Variants in XKR9 observed in about 807,000 individuals in gnomAD.
XKR9 encodes XK related 9.
A neutral mutation model predicts 32.0 loss-of-function variants in XKR9; 32 were observed. The observed-to-expected ratio is 1.00, with a 90% CI of 0.76 to 1.34. The LOEUF (loss-of-function observed/expected upper bound fraction) is 1.34. Ranked by LOEUF, XKR9 falls within the 40% of genes most tolerant of loss-of-function variation. The pLI, the probability that XKR9 is intolerant of heterozygous loss-of-function variation, is 0.00. For missense variants in XKR9, 546 were observed against 429.7 expected, an observed-to-expected ratio of 1.27 and a Z score of -2.39; for synonymous variants, 168 against 143.4, an observed-to-expected ratio of 1.17 and a Z score of -1.22.
chr8:70,803,561 G>A, the XKR9 span, among the ~76,000 whole-genome samples: 59 of 152,286 alleles, frequency 3.9e-4, no homozygotes, highest in African/African-American at 1.2e-3. Context: ...TTTCTCATCC[G>A]TGTGGGCTGA....
At chr8:70,993,909 A>G in the XKR9 span, among the ~76,000 whole-genome samples, 1 of 152,156 alleles carries the variant, frequency 6.6e-6, no homozygotes, top group African/African-American at 2.4e-5. Flanking sequence ...CTCCTCTACA[A>G]AAAGATGGCT....
At chr8:70,720,829 G>C (rs975113195) in intron 4 of XKR9, among the ~76,000 whole-genome samples, 3 of 152,176 alleles carry the variant, frequency 2.0e-5, no homozygotes, top group Admixed American at 2.0e-4. Context: ...ATGAGTTAGG[G>C]AGGAGTCCCT....
At chr8:70,822,923 A>G in the XKR9 span, among the ~76,000 whole-genome samples, 1 of 152,174 alleles carries the variant, frequency 6.6e-6, no homozygotes, top group Non-Finnish European at 1.5e-5. Context: ...ATAATCTTAA[A>G]GTCAAGAATA....
At chr8:70,713,695 A>G (rs1805995647) in intron 4 of XKR9, among the ~76,000 whole-genome samples, 1 of 152,170 alleles carries the variant, frequency 6.6e-6, no homozygotes. Flanking sequence ...AATACAGGAC[A>G]ATGATAACAT....
At chr8:70,859,291 A>G in the XKR9 span, among the ~76,000 whole-genome samples, 1 of 152,136 alleles carries the variant, frequency 6.6e-6, no homozygotes, top group Non-Finnish European at 1.5e-5. Flanking sequence ...AATCAAAACC[A>G]TCATGTGATA....
chr8:70,952,144 G>A, the XKR9 span, among the ~76,000 whole-genome samples: 1 of 103,680 alleles, frequency 9.6e-6, no homozygotes, highest in Non-Finnish European at 1.9e-5. Flanking sequence ...ATAGGTTAAA[G>A]AAAACCTTTA....
At chr8:70,671,113 C>CCTTGAACT (rs1818701321) in intron 1 of XKR9, among the ~76,000 whole-genome samples, 2 of 152,332 alleles carry the variant, frequency 1.3e-5, no homozygotes, top group South Asian at 4.1e-4. Context: ...CTCACTGTAA[C>CCTTGAACT]CTTGAACTCT....
At chr8:70,996,660 C>T in the XKR9 span, among the ~76,000 whole-genome samples, 1 of 152,156 alleles carries the variant, frequency 6.6e-6, no homozygotes, top group Non-Finnish European at 1.5e-5. Flanking sequence ...AGAGTTGGTA[C>T]TGATGGGATT....
chr8:70,735,757 T>G lies in XKR9; in HGVS notation c.*1333T>G, dbSNP rs894827303. ...CGATAGTTTACTGAGAATGATGATT[T>G]CCAGCTTCATCCATGTCCCTACAAA... is the stretch of plus-strand genomic sequence containing the variant. On this transcript the variant is annotated 3_prime_UTR_variant, in exon 5 of 5. Coordinates refer to ENST00000408926, the MANE Select transcript of XKR9 (RefSeq NM_001011720.2). 6.6e-6 allele frequency: 1 copy of G among 151,910 alleles called. No homozygotes were observed. The highest frequency in any genetic ancestry group is 1.5e-5 in the Non-Finnish European group (1 of 67,994). The allele number at this position is 151,910 out of a possible 1,614,324, so 9.4% of individuals were successfully genotyped here.
At chr8:70,804,983 G>C in the XKR9 span, among the ~76,000 whole-genome samples, 1 of 152,190 alleles carries the variant, frequency 6.6e-6, no homozygotes, top group African/African-American at 2.4e-5. Flanking sequence ...TGGCCAATGG[G>C]TGAGGCCAAG....
intron 2 of XKR9, among the ~76,000 whole-genome samples, chr8:70,745,081 T>G (rs1267018254): frequency 1.3e-5 from 2 of 150,078 alleles, no homozygotes; most frequent in Non-Finnish European, 3.0e-5. Flanking sequence ...CTAAGGAGCT[T>G]GAATGCTAAG....
At chr8:70,999,980 T>C in the XKR9 span, among the ~76,000 whole-genome samples, 1 of 152,234 alleles carries the variant, frequency 6.6e-6, no homozygotes, top group Admixed American at 6.5e-5. Flanking sequence ...AATCAATTTC[T>C]CTTTCATTCT....
chr8:70,833,643 A>G, the XKR9 span, among the ~76,000 whole-genome samples: 1 of 152,132 alleles, frequency 6.6e-6, no homozygotes, highest in Non-Finnish European at 1.5e-5. Flanking sequence ...AAATTTTTGC[A>G]AATACTGATG....
At chr8:71,025,437 A>G in the XKR9 span, among the ~76,000 whole-genome samples, 1 of 152,250 alleles carries the variant, frequency 6.6e-6, no homozygotes, top group African/African-American at 2.4e-5. Flanking sequence ...CAAGCACTTG[A>G]ATATTTCTTT....
chr8:70,767,885 T>A (rs935229206), intron 2 of XKR9, among the ~76,000 whole-genome samples: 5 of 152,296 alleles, frequency 3.3e-5, no homozygotes, highest in Middle Eastern at 3.4e-3. Context: ...GCTCTTGGAT[T>A]CATTAATTTT....
the XKR9 span, among the ~76,000 whole-genome samples, chr8:70,847,881 C>T: frequency 6.6e-6 from 1 of 151,980 alleles, no homozygotes; most frequent in African/African-American, 2.4e-5. Flanking sequence ...ATGCCAAAGT[C>T]TACCACTCTT....
chr8:70,925,890 CAAAT>C, the XKR9 span, among the ~76,000 whole-genome samples: 11 of 151,996 alleles, frequency 7.2e-5, no homozygotes, highest in Non-Finnish European at 1.0e-4. Context: ...AACTAAGTGA[CAAAT>C]GAATGAGATG....
rs997108892 is a variant in XKR9 at position 70,680,492 on chromosome 8, T to A, written c.-278-289T>A. Among the ~76,000 whole-genome samples, 4 of 152,148 alleles carry A rather than the reference T, an allele frequency of 2.6e-5. No individual in the cohort carries two copies. The South Asian group carries it at 8.3e-4, about 31-fold the overall frequency. On this transcript the variant is annotated intron_variant, in intron 2 of 4. Coordinates refer to ENST00000408926, the MANE Select transcript of XKR9 (RefSeq NM_001011720.2). Reference sequence around the variant, plus strand: ...TTTATGGATCTACCTTTATTTACTTTACCATTTCCTTATGTTGAAATATTT... The same window carrying A: ...TTTATGGATCTACCTTTATTTACTTAACCATTTCCTTATGTTGAAATATTT...
chr8:71,023,619 C>T, the XKR9 span, among the ~76,000 whole-genome samples: 1 of 151,996 alleles, frequency 6.6e-6, no homozygotes, highest in Non-Finnish European at 1.5e-5. Flanking sequence ...CTGGTAGTGA[C>T]AGTAGTGGGC....
Sources: allele counts gnomAD v4.1 joint callset (sites outside exome capture counted in the v4.1 genomes callset), GRCh38; gene constraint gnomAD v4.1.1; transcripts MANE v1.5; gene names NCBI Gene and HGNC (gene_info 2026-07-23, HGNC 2026-07-21).